Variants in B3GNT4 observed in about 807,000 individuals in gnomAD.
B3GNT4 encodes the protein N-acetyllactosaminide beta-1,3-N-acetylglucosaminyltransferase 4.
In B3GNT4, 2 loss-of-function variants were observed where a neutral mutation model predicts 2.7. The ratio of observed to expected loss-of-function variants is 0.73; its 90% CI spans 0.30 to 2.31. B3GNT4 has a LOEUF of 2.31. B3GNT4 is among the 30% of genes most tolerant of loss of function. The pLI is 0.12. For synonymous variants in B3GNT4, 280 were observed against 203.4 expected (o/e 1.38, Z -3.20); for missense variants, 708 against 490.9 (o/e 1.44, Z -4.18).
At position 122,208,325 on chromosome 12, in the gene B3GNT4, G is replaced by T; in HGVS notation, c.*937G>T. 6.3e-7 allele frequency: 1 copy of T among 1,587,252 alleles called. No individual in the cohort carries two copies. Among genetic ancestry groups the T allele is most frequent in the Non-Finnish European group, 8.6e-7 (1 of 1,162,304 alleles). Reference sequence around the variant, plus strand: ...AGTCATGCCAACCCTGGGCAGGGTGGCATCTGCCCCTGCTTTCCCCACTGA... The same window carrying T: ...AGTCATGCCAACCCTGGGCAGGGTGTCATCTGCCCCTGCTTTCCCCACTGA... On this transcript the variant is annotated 3_prime_UTR_variant, in exon 3 of 3. Transcript: ENST00000324189.
chr12:122,208,874 G>A lies in B3GNT4; in HGVS notation c.*1486G>A. ...TACAGAGCTTTTAGTACAGACCTTT[G>A]ATTAATTTTTTTAACTACACATCTT... On this transcript the variant is annotated 3_prime_UTR_variant, in exon 3 of 3. Transcript: ENST00000324189. 2.2e-6 allele frequency: 1 copy of A among 458,690 alleles called. No individual in the cohort carries two copies. The highest frequency in any genetic ancestry group is 1.8e-5 in the South Asian group (1 of 55,884). 28.4% of individuals were successfully genotyped at this position (458,690 alleles called of 1,614,324 possible). A position where few individuals can be genotyped will look rare whatever the true frequency, so the allele number is the denominator to read the frequency against.
rs1953961165 is a variant in B3GNT4 at position 122,207,840 on chromosome 12, T to C, written c.*452T>C. The stretch of plus-strand genomic sequence containing the variant: ...AAACACTCTGCACCCCTTCTCTTAG[T>C]AGTAATAGGTTTTTCACTCCTTGGC... On this transcript the variant is annotated 3_prime_UTR_variant, in exon 3 of 3. Transcript: ENST00000324189. 1 of 461,066 alleles carries C rather than the reference T, an allele frequency of 2.2e-6. No homozygotes were observed. Among genetic ancestry groups the C allele is most frequent in the Non-Finnish European group, 4.3e-6 (1 of 231,580 alleles). The allele number at this position is 461,066 out of a possible 1,614,324, so 28.6% of individuals were successfully genotyped here.
chr12:122,207,318 T>C lies in B3GNT4; in HGVS notation c.1067T>C (p.Met356Thr), dbSNP rs759211659. The C allele has an allele frequency of 1.9e-6, 3 of 1,611,028 alleles. No homozygotes were observed. Among genetic ancestry groups the C allele is most frequent in the Non-Finnish European group, 2.5e-6 (3 of 1,178,334 alleles). Residue 356 changes from methionine to threonine, a missense_variant, in exon 3 of 3, where the codon ATG (methionine) becomes ACG (threonine). Met to Thr is a moderately conservative substitution (Grantham distance 81, BLOSUM62 -1). Coordinates refer to ENST00000324189, the MANE Select transcript of B3GNT4 (RefSeq NM_030765.4). ...GTTCACCGCCTCAGCCCCCTCGAGA[T>C]GTGGACCATGTGGGCACTGGTGACA... Reference protein sequence around the residue: ...LLVHRLSPLEMWTMWALVTDE... With the variant: ...LLVHRLSPLETWTMWALVTDE...
chr12:122,207,745 G>A lies in B3GNT4; in HGVS notation c.*357G>A. 1 of 490,346 alleles carries A rather than the reference G, an allele frequency of 2.0e-6. No individual in the cohort carries two copies. The allele number at this position is 490,346 out of a possible 1,614,324, so 30.4% of individuals were successfully genotyped here. ...CTCCTTTGGATACAATAGAGAAACG[G>A]AAAGAAAGGAAGGAACAAGAGGCCT... On this transcript the variant is annotated 3_prime_UTR_variant, in exon 3 of 3. Transcript: ENST00000324189.
chr12:122,207,452 T>C lies in B3GNT4; in HGVS notation c.*64T>C, dbSNP rs1187214129. ...TTGATTCTCTATCGTGATGCGAAAT[T>C]GATGCCTGCTGCTCTACAGAAAATG... On this transcript the variant is annotated 3_prime_UTR_variant, in exon 3 of 3. Transcript: ENST00000324189. 1.4e-6 allele frequency: 2 copies of C among 1,389,070 alleles called. No individual in the cohort carries two copies. Among genetic ancestry groups the C allele is most frequent in the African/African-American group, 2.9e-5 (2 of 68,974 alleles). 86.0% of individuals were successfully genotyped at this position (1,389,070 alleles called of 1,614,324 possible). A position where few individuals can be genotyped will look rare whatever the true frequency, so the allele number is the denominator to read the frequency against.
chr12:122,208,215 G>T lies in B3GNT4; in HGVS notation c.*827G>T. The T allele has an allele frequency of 1.3e-6, 1 of 799,398 alleles. No homozygotes were observed. The highest frequency in any genetic ancestry group is 2.1e-6 in the Non-Finnish European group (1 of 475,960). 49.5% of individuals were successfully genotyped at this position (799,398 alleles called of 1,614,324 possible). On this transcript the variant is annotated 3_prime_UTR_variant, in exon 3 of 3. Transcript: ENST00000324189. Reference sequence around the variant, plus strand: ...AGAACCAGGTCCAGCGCAAGCCTGAGACCACAGGAGGCACTCACAGCTCAC... The same window carrying T: ...AGAACCAGGTCCAGCGCAAGCCTGATACCACAGGAGGCACTCACAGCTCAC...
Position 122,204,558 on chromosome 12 carries a change from C to A in B3GNT4, c.-61C>A. 1 of 1,435,694 alleles carries A rather than the reference C, an allele frequency of 7.0e-7. No individual in the cohort carries two copies. Among genetic ancestry groups the A allele is most frequent in the Non-Finnish European group, 9.7e-7 (1 of 1,030,128 alleles). The allele number at this position is 1,435,694 out of a possible 1,614,324, so 88.9% of individuals were successfully genotyped here. A position where few individuals can be genotyped will look rare whatever the true frequency, so the allele number is the denominator to read the frequency against. ...CGCACACCTGAGACTCATCTCGCTT[C>A]GACCCCGCCGCCGCCGCCGCCCGGC... On this transcript the variant is annotated 5_prime_UTR_variant, in exon 2 of 3. Transcript: ENST00000324189.
Position 122,206,975 on chromosome 12 carries a change from C to T in B3GNT4, c.724C>T (p.Leu242=). 1.2e-6 allele frequency: 2 copies of T among 1,614,066 alleles called. No individual in the cohort carries two copies. The highest frequency in any genetic ancestry group is 1.7e-6 in the Non-Finnish European group (2 of 1,179,982). Residue 242 remains leucine, a synonymous_variant, in exon 3 of 3, where the codon CTG becomes TTG. Transcript: ENST00000324189. The part of the protein sequence containing the change: ...LDGWDPAQDL[L]VGDVIRQALP... ...TGGCTGGGACCCAGCCCAGGACCTC[C>T]TGGTGGGAGATGTCATCCGCCAAGC...
At position 122,207,076 on chromosome 12, in the gene B3GNT4, T is replaced by A. The variant is rs868683322; in HGVS notation, c.825T>A (p.Tyr275Ter). 1 of 1,613,898 alleles carries A rather than the reference T, an allele frequency of 6.2e-7. No homozygotes were observed. Among genetic ancestry groups the A allele is most frequent in the Non-Finnish European group, 8.5e-7 (1 of 1,179,990 alleles). The change falls in exon 3 of 3, where the codon TAT (tyrosine) becomes TAA (stop). Residue 275 changes from tyrosine (Y) to a stop codon, truncating the protein, a stop_gained. Coordinates refer to ENST00000324189, the MANE Select transcript of B3GNT4 (RefSeq NM_030765.4). LOFTEE classifies it low-confidence loss of function (END_TRUNC). The part of the protein sequence containing the change: ...SMYRATHYPP[Y>*]AGGGGYVMSR... Reference sequence around the variant, plus strand: ...ACAGGGCCACCCACTACCCACCCTATGCTGGTGGGGGAGGATATGTCATGT... The same window carrying A: ...ACAGGGCCACCCACTACCCACCCTAAGCTGGTGGGGGAGGATATGTCATGT...
At chr12:122,204,435 G>A in intron 1 of B3GNT4, 87 bp from the exon 2 acceptor site, 1 of 618,434 alleles carries the variant, frequency 1.6e-6, no homozygotes, top group South Asian at 1.7e-5. Context: ...AGCCTGGGCT[G>A]AAACCTCCTG....
Position 122,208,461 on chromosome 12 carries a change from C to G in B3GNT4, c.*1073C>G, listed in dbSNP as rs1409867469. On this transcript the variant is annotated 3_prime_UTR_variant, in exon 3 of 3. Transcript: ENST00000324189. Reference sequence around the variant, plus strand: ...TCCTGTGTTTTCTGACGGAGCTCTTCTATCTGTGCTTCTGCCAGCTTGGTT... The same window carrying G: ...TCCTGTGTTTTCTGACGGAGCTCTTGTATCTGTGCTTCTGCCAGCTTGGTT... 6.2e-7 allele frequency: 1 copy of G among 1,614,160 alleles called. No homozygotes were observed. Among genetic ancestry groups the G allele is most frequent in the South Asian group, 1.1e-5 (1 of 91,084 alleles).
Position 122,207,403 on chromosome 12 carries a change from A to G in B3GNT4, c.*15A>G. The G allele has an allele frequency of 6.5e-7, 1 of 1,527,398 alleles. No individual in the cohort carries two copies. Among genetic ancestry groups the G allele is most frequent in the Non-Finnish European group, 8.8e-7 (1 of 1,139,640 alleles). 94.6% of individuals were successfully genotyped at this position (1,527,398 alleles called of 1,614,324 possible). A position where few individuals can be genotyped will look rare whatever the true frequency, so the allele number is the denominator to read the frequency against. ...CCCAGCGCTGAAGGGTGGGTTGGGC[A>G]ACAGCCTGAGAGTGGACTCAGTGTT... On this transcript the variant is annotated 3_prime_UTR_variant, in exon 3 of 3. Transcript: ENST00000324189.
chr12:122,203,721 C>G lies in B3GNT4; in HGVS notation c.-178C>G, dbSNP rs1034983409. On this transcript the variant is annotated 5_prime_UTR_variant, in exon 1 of 3. Coordinates refer to ENST00000324189, the MANE Select transcript of B3GNT4 (RefSeq NM_030765.4). ...AGAAGCCCCGCCCACTCCCGAGCCCCGAGAGCTCCGCGCACCTGGGCGCCA... is the reference window on the plus strand; with the variant it reads ...AGAAGCCCCGCCCACTCCCGAGCCCGGAGAGCTCCGCGCACCTGGGCGCCA... The G allele has an allele frequency of 5.2e-5, 15 of 288,616 alleles. No homozygotes were observed. The highest frequency in any genetic ancestry group is 4.4e-5 in the African/African-American group (2 of 45,508). 17.9% of individuals were successfully genotyped at this position (288,616 alleles called of 1,614,324 possible). A position where few individuals can be genotyped will look rare whatever the true frequency, so the allele number is the denominator to read the frequency against.
intron 2 of B3GNT4, chr12:122,205,025 CA>C: frequency 1.2e-4 from 30 of 244,550 alleles, no homozygotes; most frequent in South Asian, 5.4e-4. Flanking sequence ...GACACTGTCT[CA>C]AAAAAAACCA....
Position 122,204,507 on chromosome 12 carries a change from G to A in B3GNT4, c.-97-15G>A, listed in dbSNP as rs569247010. 1.9e-3 allele frequency: 1,715 copies of A among 907,306 alleles called. 28 individuals are homozygous for A. In the African/African-American group the frequency reaches 0.025, roughly 13 times the overall value. The allele number at this position is 907,306 out of a possible 1,614,324, so 56.2% of individuals were successfully genotyped here. A position where few individuals can be genotyped will look rare whatever the true frequency, so the allele number is the denominator to read the frequency against. Reference sequence around the variant, plus strand: ...GTGAATGGCACCGCCGCCCGCCCGGGCCTCTCGTCCACAGCCCGCGGTGCT... The same window carrying A: ...GTGAATGGCACCGCCGCCCGCCCGGACCTCTCGTCCACAGCCCGCGGTGCT... On this transcript the variant is annotated splice_polypyrimidine_tract_variant and intron_variant, in intron 1 of 2. Transcript: ENST00000324189.
At chr12:122,206,111 C>G (rs548911104) in intron 2 of B3GNT4, 3 of 504,398 alleles carry the variant, frequency 5.9e-6, no homozygotes, top group Middle Eastern at 5.0e-4. Flanking sequence ...CAGATGATGG[C>G]AGAGGAGGGC....
At position 122,208,319 on chromosome 12, in the gene B3GNT4, A is replaced by G. The variant is rs777511954; in HGVS notation, c.*931A>G. 6.4e-7 allele frequency: 1 copy of G among 1,573,416 alleles called. No individual in the cohort carries two copies. The highest frequency in any genetic ancestry group is 1.3e-5 in the African/African-American group (1 of 74,380). ...ACAGACAGTCATGCCAACCCTGGGC[A>G]GGGTGGCATCTGCCCCTGCTTTCCC... On this transcript the variant is annotated 3_prime_UTR_variant, in exon 3 of 3. Coordinates refer to ENST00000324189, the MANE Select transcript of B3GNT4 (RefSeq NM_030765.4).
Position 122,207,633 on chromosome 12 carries a change from A to G in B3GNT4, c.*245A>G. ...TTCCGGGCGCTGCCTGGGGCGCTGC[A>G]GTCTGGGACCTCAAGGAAGGAGGCT... On this transcript the variant is annotated 3_prime_UTR_variant, in exon 3 of 3. Transcript: ENST00000324189. The G allele has an allele frequency of 1.6e-6, 1 of 631,868 alleles. No individual in the cohort carries two copies. Among genetic ancestry groups the G allele is most frequent in the South Asian group, 1.7e-5 (1 of 59,162 alleles). 39.1% of individuals were successfully genotyped at this position (631,868 alleles called of 1,614,324 possible).
Position 122,207,245 on chromosome 12 carries a change from C to T in B3GNT4, c.994C>T (p.Arg332Trp), listed in dbSNP as rs750947312. 236 of 1,613,970 alleles carry T rather than the reference C, an allele frequency of 1.5e-4. No homozygotes were observed. Among genetic ancestry groups the T allele is most frequent in the Middle Eastern group, 6.6e-4 (4 of 6,084 alleles). ...HAGFKTFGIR[R>W]PLDPLDPCLY... Reference sequence around the variant, plus strand: ...TGGCTTCAAGACATTTGGAATCCGGCGGCCCCTGGACCCCTTAGACCCCTG... The same window carrying T: ...TGGCTTCAAGACATTTGGAATCCGGTGGCCCCTGGACCCCTTAGACCCCTG... The change falls in exon 3 of 3, where the codon CGG becomes TGG. Residue 332 changes from arginine to tryptophan, a missense_variant. Arg to Trp is a moderately radical substitution (Grantham distance 101). Transcript: ENST00000324189.
Sources: gnomAD v4.1 joint callset for allele counts on GRCh38, gnomAD v4.1.1 for gene constraint, MANE v1.5 for transcripts, NCBI Gene and HGNC (gene_info 2026-07-23, HGNC 2026-07-21) for gene names.